The following TBXAS1 variants were observed in gnomAD, a reference collection of about 807,000 sequenced individuals.
TBXAS1 encodes the protein thromboxane-A synthase.
In TBXAS1, 48 loss-of-function variants were observed where a neutral mutation model predicts 60.7. That is an observed-to-expected ratio of 0.79 (90% CI 0.63 to 1.01). TBXAS1 has a LOEUF of 1.01. Among genes scored for constraint, TBXAS1 ranks in the 50% least tolerant of loss-of-function variants. TBXAS1 has a pLI of 0.00. For missense variants in TBXAS1, 685 were observed against 686.3 expected, an observed-to-expected ratio of 1.00 and a Z score of 0.02; for synonymous variants, 287 against 269.7, an observed-to-expected ratio of 1.06 and a Z score of -0.63.
intron 4 of TBXAS1, among the ~76,000 whole-genome samples, chr7:139,804,153 G>C (rs1201930563): frequency 6.6e-6 from 1 of 152,240 alleles, no homozygotes; most frequent in Non-Finnish European, 1.5e-5. Context: ...CACAGAGGCA[G>C]AGCTGCCCAG....
chr7:139,921,231 C>T (rs1218176041), intron 4 of TBXAS1, among the ~76,000 whole-genome samples: 3 of 152,164 alleles, frequency 2.0e-5, no homozygotes, highest in Admixed American at 2.0e-4. Flanking sequence ...CATGCCTCTT[C>T]TCAGTCAACC....
chr7:139,840,911 A>T (rs952372586), intron 1 of TBXAS1, among the ~76,000 whole-genome samples: 3 of 152,214 alleles, frequency 2.0e-5, no homozygotes, highest in African/African-American at 7.2e-5. Context: ...AGGCATGAGC[A>T]GCTGGTACAG....
At position 139,981,563 on chromosome 7, in the gene TBXAS1, G is replaced by A. The variant is rs58303790; in HGVS notation, c.1134+19330G>A. Among the ~76,000 whole-genome samples the A allele has an allele frequency of 2.4e-3, 360 of 152,326 alleles. 2 individuals carry two copies. The highest frequency in any genetic ancestry group is 8.2e-3 in the African/African-American group (342 of 41,564). The stretch of plus-strand genomic sequence containing the variant: ...AAAATACAATGCATTCCCCTTGCTC[G>A]TCTGGTCAAGCTCACCTTCCTATTG... On this transcript the variant is annotated intron_variant, in intron 9 of 12. Coordinates refer to ENST00000448866, the MANE Select transcript of TBXAS1 (RefSeq NM_001061.7).
intron 10 of TBXAS1, among the ~76,000 whole-genome samples, chr7:140,009,320 C>A (rs565059601): frequency 6.6e-6 from 1 of 152,154 alleles, no homozygotes; most frequent in Non-Finnish European, 1.5e-5. Flanking sequence ...TGGCATACTG[C>A]GTGATCGTGA....
At chr7:139,826,445 T>C (rs755853015), upstream of TBXAS1, among the ~76,000 whole-genome samples, 10 of 152,308 alleles carry the variant, frequency 6.6e-5, no homozygotes, top group Non-Finnish European at 1.0e-4. Context: ...ATAATACGTC[T>C]GTTAAAAACA....
chr7:139,847,284 G>A (rs1799881924), intron 1 of TBXAS1, among the ~76,000 whole-genome samples: 1 of 151,954 alleles, frequency 6.6e-6, no homozygotes, highest in African/African-American at 2.4e-5. Flanking sequence ...TGCTTCATTG[G>A]TTGACATTTG....
Position 140,020,223 on chromosome 7 carries a change from A to G in TBXAS1, c.*124A>G, listed in dbSNP as rs1377986013. The G allele has an allele frequency of 3.2e-6, 3 of 940,436 alleles. No individual in the cohort carries two copies. Among genetic ancestry groups the G allele is most frequent in the East Asian group, 2.4e-5 (1 of 40,910 alleles). 58.3% of individuals were successfully genotyped at this position (940,436 alleles called of 1,614,324 possible). A position where few individuals can be genotyped will look rare whatever the true frequency, so the allele number is the denominator to read the frequency against. ...GAAAGAGTGCCTGGCATGCAAGGAT[A>G]AGAGGTTCTTTACATAACATTTCCT... On this transcript the variant is annotated 3_prime_UTR_variant, in exon 13 of 13. Coordinates refer to ENST00000448866, the MANE Select transcript of TBXAS1 (RefSeq NM_001061.7).
At position 139,957,614 on chromosome 7, in the gene TBXAS1, T is replaced by G; in HGVS notation, c.689-20T>G. On this transcript the variant is annotated intron_variant, in intron 7 of 12. Transcript: ENST00000448866. Reference sequence around the variant, plus strand: ...ATTATCACCCCCTTTTCAATGCCACTTTTGTTTTTCTCTTTCAAGTATCAT... The same window carrying G: ...ATTATCACCCCCTTTTCAATGCCACGTTTGTTTTTCTCTTTCAAGTATCAT... The G allele has an allele frequency of 1.9e-6, 3 of 1,613,988 alleles. No individual in the cohort carries two copies. Among genetic ancestry groups the G allele is most frequent in the Non-Finnish European group, 2.5e-6 (3 of 1,179,940 alleles).
intron 8 of TBXAS1, 107 bp downstream of exon 8, chr7:139,957,871 C>G (rs1480610360): frequency 6.7e-7 from 1 of 1,498,798 alleles, no homozygotes; most frequent in Non-Finnish European, 9.1e-7. Context: ...CACACCGTGC[C>G]GTCCTTCAGC....
At chr7:139,908,087 T>C (rs1318226119) in intron 3 of TBXAS1, among the ~76,000 whole-genome samples, 1 of 152,008 alleles carries the variant, frequency 6.6e-6, no homozygotes, top group East Asian at 1.9e-4. Flanking sequence ...ATTTTATTGA[T>C]ATTTTCCAAA....
chr7:139,937,984 A>C (rs1430564305), intron 5 of TBXAS1, among the ~76,000 whole-genome samples: 1 of 152,172 alleles, frequency 6.6e-6, no homozygotes. Flanking sequence ...GTTTGGAACC[A>C]ACTGAGGTAT....
At chr7:139,804,752 A>G (rs181799533) in intron 4 of TBXAS1, among the ~76,000 whole-genome samples, 134 of 152,318 alleles carry the variant, frequency 8.8e-4, no homozygotes, top group African/African-American at 3.0e-3. Flanking sequence ...CTTGCCTGCC[A>G]CCATGTAAGA....
chr7:139,804,959 T>G (rs1797810745), intron 4 of TBXAS1, among the ~76,000 whole-genome samples: 1 of 152,262 alleles, frequency 6.6e-6, no homozygotes. Context: ...AGATCTCTCT[T>G]GACTATGCAT....
intron 9 of TBXAS1, among the ~76,000 whole-genome samples, chr7:139,995,602 C>T (rs1331641981): frequency 6.6e-6 from 1 of 152,196 alleles, no homozygotes; most frequent in African/African-American, 2.4e-5. Flanking sequence ...GCGACCTTTT[C>T]AGATGCTCCA....
intron 1 of TBXAS1, among the ~76,000 whole-genome samples, chr7:139,862,781 C>G (rs1302894549): frequency 6.6e-6 from 1 of 152,202 alleles, no homozygotes; most frequent in Non-Finnish European, 1.5e-5. Context: ...CTCTGTCTCT[C>G]TCTTTCTCAT....
rs757470122 is a variant in TBXAS1 at position 139,799,633 on chromosome 7, AG to A, written c.-80+12209del. ...TGGCTTCCCAAAGTGCTGGAATTAC[AG>A]GCATGAGCCACCACGCCCAGCCCAA... On this transcript the variant is annotated intron_variant, in intron 4 of 16. Transcript: ENST00000336425. 1.2e-4 allele frequency among the ~76,000 whole-genome samples: 19 copies of A among 152,332 alleles called. No individual in the cohort carries two copies. In the East Asian group the frequency reaches 1.5e-3, roughly 12 times the overall value.
At chr7:139,839,998 A>T (rs1585598853) in intron 1 of TBXAS1, among the ~76,000 whole-genome samples, 2 of 152,032 alleles carry the variant, frequency 1.3e-5, no homozygotes, top group South Asian at 4.2e-4. Context: ...AAAAAAAAAA[A>T]AAAAGAGATT....
intron 3 of TBXAS1, among the ~76,000 whole-genome samples, chr7:139,889,556 G>C (rs1803395290): frequency 6.6e-6 from 1 of 152,204 alleles, no homozygotes; most frequent in Non-Finnish European, 1.5e-5. Flanking sequence ...AAGTGCCATA[G>C]ACTGGGTGGC....
At chr7:139,915,143 C>G (rs774918846) in intron 4 of TBXAS1, among the ~76,000 whole-genome samples, 1 of 152,160 alleles carries the variant, frequency 6.6e-6, no homozygotes, top group East Asian at 1.9e-4. Context: ...AATTCCATAT[C>G]GATGGTAAAA....
Sources: gnomAD v4.1 joint callset for allele counts (sites outside exome capture counted in the v4.1 genomes callset) on GRCh38, gnomAD v4.1.1 for gene constraint, MANE v1.5 for transcripts, NCBI Gene and HGNC (gene_info 2026-07-23, HGNC 2026-07-21) for gene names.